The following DACH1 variants were observed in gnomAD, a reference collection of about 807,000 sequenced individuals.
The protein encoded by DACH1 is dachshund family transcription factor 1, also known as dachshund homolog 1.
In DACH1, 12 loss-of-function variants were observed where a neutral mutation model predicts 54.2. That is an observed-to-expected ratio of 0.22 (90% CI 0.14 to 0.36). DACH1 has a LOEUF of 0.36. Ranked by LOEUF, DACH1 falls within the 10% of genes least tolerant of loss-of-function variation. DACH1 has a pLI of 1.00. For missense variants in DACH1, 805 were observed against 929.8 expected (o/e 0.87, Z 1.75); for synonymous variants, 386 against 366.2 (o/e 1.05, Z -0.62).
intron 3 of DACH1, among the ~76,000 whole-genome samples, chr13:71,605,620 T>G (rs1874821240): frequency 1.3e-5 from 2 of 152,140 alleles, no homozygotes; most frequent in South Asian, 4.1e-4. Flanking sequence ...TATCAAAGAA[T>G]GTTTTCAACA....
chr13:71,480,255 C>T (rs961870864), intron 7 of DACH1, among the ~76,000 whole-genome samples: 1 of 152,080 alleles, frequency 6.6e-6, no homozygotes, highest in East Asian at 1.9e-4. Flanking sequence ...TAGTGCATTA[C>T]TTTTTAAAAA....
intron 1 of DACH1, among the ~76,000 whole-genome samples, chr13:71,691,293 A>T (rs1881465219): frequency 6.6e-6 from 1 of 152,104 alleles, no homozygotes; most frequent in Non-Finnish European, 1.5e-5. Flanking sequence ...TTTTTGTTTT[A>T]TTTTTGAATA....
chr13:71,583,403 T>C (rs961895909), intron 3 of DACH1, among the ~76,000 whole-genome samples: 9 of 152,208 alleles, frequency 5.9e-5, no homozygotes, highest in South Asian at 4.1e-4. Context: ...GCATCTTTTC[T>C]AAAATGGTCA....
intron 5 of DACH1, among the ~76,000 whole-genome samples, chr13:71,558,580 G>GT: frequency 6.6e-6 from 1 of 151,248 alleles, no homozygotes; most frequent in East Asian, 1.9e-4. Flanking sequence ...ATCTTATAAT[G>GT]AAACCAATAT....
chr13:71,680,862 AC>A (rs1209815557), intron 2 of DACH1, among the ~76,000 whole-genome samples: 3 of 152,028 alleles, frequency 2.0e-5, no homozygotes, highest in African/African-American at 7.2e-5. Flanking sequence ...ATCAGAGCAC[AC>A]AGAAAGACAA....
intron 2 of DACH1, among the ~76,000 whole-genome samples, chr13:71,667,504 G>A (rs1879917095): frequency 6.6e-6 from 1 of 151,978 alleles, no homozygotes; most frequent in Non-Finnish European, 1.5e-5. Context: ...TAATGGCATT[G>A]GTATTTGGAG....
intron 1 of DACH1, among the ~76,000 whole-genome samples, chr13:71,783,701 C>A (rs1042931473): frequency 2.0e-5 from 3 of 151,920 alleles, no homozygotes; most frequent in Admixed American, 2.0e-4. Flanking sequence ...ATTTAAATAT[C>A]TTTCTATGGT....
chr13:71,592,236 G>A (rs1873760550), intron 3 of DACH1, among the ~76,000 whole-genome samples: 2 of 152,056 alleles, frequency 1.3e-5, no homozygotes, highest in Non-Finnish European at 2.9e-5. Context: ...TAGGGGCTGA[G>A]TGCCATGGCT....
chr13:71,571,549 G>A (rs1885197801), intron 4 of DACH1, among the ~76,000 whole-genome samples: 1 of 152,000 alleles, frequency 6.6e-6, no homozygotes, highest in African/African-American at 2.4e-5. Context: ...TCTCTGAGGT[G>A]GTGATCTTTG....
At chr13:71,698,627 G>GT (rs1881950975) in intron 1 of DACH1, among the ~76,000 whole-genome samples, 1 of 152,008 alleles carries the variant, frequency 6.6e-6, no homozygotes, top group Admixed American at 6.6e-5. Context: ...TGAAATTATA[G>GT]TAAGTCATTA....
At chr13:71,449,895 G>T (rs967093873) in intron 10 of DACH1, among the ~76,000 whole-genome samples, 1 of 141,830 alleles carries the variant, frequency 7.1e-6, no homozygotes, top group East Asian at 2.1e-4. Context: ...ACAGGAAGGG[G>T]AACATCACAC....
At chr13:71,543,570 A>G (rs956344906) in intron 6 of DACH1, among the ~76,000 whole-genome samples, 2 of 152,142 alleles carry the variant, frequency 1.3e-5, no homozygotes, top group African/African-American at 4.8e-5. Context: ...GCTTGATCAG[A>G]TACCATGGGC....
At chr13:71,832,272 CA>C (rs1373957556) in intron 1 of DACH1, among the ~76,000 whole-genome samples, 2 of 151,864 alleles carry the variant, frequency 1.3e-5, no homozygotes, top group Non-Finnish European at 2.9e-5. Context: ...AAATGTATAA[CA>C]TTGCCATGGA....
At chr13:71,474,508 G>A (rs927822752) in intron 10 of DACH1, among the ~76,000 whole-genome samples, 3 of 152,116 alleles carry the variant, frequency 2.0e-5, no homozygotes, top group East Asian at 1.9e-4. Context: ...CTACCTTCTG[G>A]TTTTATTCTT....
intron 1 of DACH1, among the ~76,000 whole-genome samples, chr13:71,795,200 TG>T (rs775719716): frequency 6.6e-6 from 1 of 152,156 alleles, no homozygotes; most frequent in Admixed American, 6.5e-5. Context: ...TTTTTTTGTT[TG>T]TTTGTTTTTT....
chr13:71,662,531 T>C (rs2138655556), intron 2 of DACH1, among the ~76,000 whole-genome samples: 1 of 152,098 alleles, frequency 6.6e-6, no homozygotes, highest in East Asian at 1.9e-4. Flanking sequence ...TGAGCTAATA[T>C]ATGTAAAAGG....
chr13:71,808,288 T>G (rs1887588563), intron 1 of DACH1, among the ~76,000 whole-genome samples: 1 of 152,174 alleles, frequency 6.6e-6, no homozygotes, highest in Non-Finnish European at 1.5e-5. Context: ...TCCATGAGAT[T>G]TTTTTGTGGT....
chr13:71,673,695 C>T (rs370834312), intron 2 of DACH1, among the ~76,000 whole-genome samples: 2 of 152,016 alleles, frequency 1.3e-5, no homozygotes, highest in East Asian at 1.9e-4. Flanking sequence ...ACCACCATGG[C>T]ACGTGTATAC....
chr13:71,632,886 C>T (rs1244169664), intron 2 of DACH1, among the ~76,000 whole-genome samples: 1 of 152,154 alleles, frequency 6.6e-6, no homozygotes, highest in Non-Finnish European at 1.5e-5. Context: ...ATTGAATTTT[C>T]TCCCCAATTA....
Sources: allele counts gnomAD v4.1 joint callset (sites outside exome capture counted in the v4.1 genomes callset), GRCh38; gene constraint gnomAD v4.1.1; transcripts MANE v1.5; gene names NCBI Gene and HGNC (gene_info 2026-07-23, HGNC 2026-07-21).